The following ASCC3 variants were observed in gnomAD, a reference collection of about 807,000 sequenced individuals.
The protein encoded by ASCC3 is ASC-1 complex subunit P200.
ASCC3 carries 158 observed loss-of-function variants against 256.3 expected under a neutral mutation model. The observed-to-expected ratio is 0.62, with a 90% CI of 0.54 to 0.70. ASCC3 has a LOEUF of 0.70. Ranked by LOEUF, ASCC3 falls within the 30% of genes least tolerant of loss-of-function variation. ASCC3 has a pLI of 0.00. For missense variants in ASCC3, 2,259 were observed against 2,626.0 expected, an observed-to-expected ratio of 0.86 and a Z score of 3.05; for synonymous variants, 948 against 883.4, an observed-to-expected ratio of 1.07 and a Z score of -1.30.
chr6:100,534,868 G>C (rs984367609), intron 37 of ASCC3, among the ~76,000 whole-genome samples: 3 of 152,202 alleles, frequency 2.0e-5, no homozygotes, highest in Non-Finnish European at 4.4e-5. Context: ...CAGAACATGA[G>C]TAGTCAAGAC....
intron 36 of ASCC3, among the ~76,000 whole-genome samples, chr6:100,565,372 TC>T (rs1770181593): frequency 6.6e-6 from 1 of 152,192 alleles, no homozygotes; most frequent in African/African-American, 2.4e-5. Flanking sequence ...TTGCAAAGCG[TC>T]TTAGTGAAGG....
chr6:100,864,335 G>C (rs1005222638), intron 2 of ASCC3, 121 bp from the exon 3 acceptor site: 23 of 875,150 alleles, frequency 2.6e-5, no homozygotes, highest in Non-Finnish European at 4.0e-5. Flanking sequence ...ATTCAAAGTT[G>C]TATCTATTCA....
chr6:100,628,084 A>T, intron 27 of ASCC3, 97 bp from the exon 28 acceptor site: 1 of 1,270,562 alleles, frequency 7.9e-7, no homozygotes, highest in Non-Finnish European at 1.1e-6. Flanking sequence ...TCCTCAAAAA[A>T]CAAAAACAAA....
chr6:100,806,996 A>G (rs1237148790), intron 4 of ASCC3, among the ~76,000 whole-genome samples: 2 of 151,902 alleles, frequency 1.3e-5, no homozygotes, highest in Non-Finnish European at 2.9e-5. Context: ...AAATTTACAC[A>G]AATTGGCCAA....
intron 1 of ASCC3, among the ~76,000 whole-genome samples, chr6:100,874,668 C>T (rs939131120): frequency 2.6e-5 from 4 of 151,596 alleles, no homozygotes; most frequent in Non-Finnish European, 1.5e-5. Context: ...AAAAGAAAAA[C>T]ATTTTGATAT....
chr6:100,530,931 TCAGTACAGTGATTG>T, intron 37 of ASCC3: 1 of 1,372,416 alleles, frequency 7.3e-7, no homozygotes, highest in Non-Finnish European at 1.0e-6. Context: ...CTTTTAGACT[TCAGTACAGTGATTG>T]CAAATCACGT....
At chr6:100,649,866 T>C (rs1022281836) in intron 20 of ASCC3, among the ~76,000 whole-genome samples, 14 of 151,694 alleles carry the variant, frequency 9.2e-5, no homozygotes, top group Non-Finnish European at 1.6e-4. Flanking sequence ...GAAGGATAAA[T>C]AGGGTAAAAT....
intron 14 of ASCC3, among the ~76,000 whole-genome samples, chr6:100,671,271 T>C (rs1776730354): frequency 6.6e-6 from 1 of 152,074 alleles, no homozygotes; most frequent in African/African-American, 2.4e-5. Flanking sequence ...AGATGCCTGC[T>C]GCTTTCTAAA....
chr6:100,644,201 C>G (rs1775270484), intron 22 of ASCC3, 72 bp from the exon 23 acceptor site: 2 of 988,398 alleles, frequency 2.0e-6, no homozygotes, highest in Admixed American at 1.7e-5. Flanking sequence ...AATCTTCTCA[C>G]TCTAGAAGCT....
In ASCC3 at chr6:100,859,005, T is replaced by C. The variant is rs187643433; in HGVS notation, c.241+5059A>G. On this transcript the variant is annotated intron_variant, in intron 3 of 41. Coordinates refer to ENST00000369162, the MANE Select transcript of ASCC3 (RefSeq NM_006828.4). ...TCTCCATTAAAGCCATCATAGCATA[T>C]AGATTTCTTTGTACTTAAGGTTTTT... 377 of 703,640 alleles carry C rather than the reference T, an allele frequency of 5.4e-4. 1 individual carries two copies. Among genetic ancestry groups the C allele is most frequent in the African/African-American group, 5.3e-3 (299 of 56,578 alleles). The allele number at this position is 703,640 out of a possible 1,614,324, so 43.6% of individuals were successfully genotyped here.
intron 1 of ASCC3, among the ~76,000 whole-genome samples, chr6:100,874,464 CAAAAAAAAAAAAA>C (rs530326162): frequency 1.6e-3 from 123 of 77,636 alleles, no homozygotes; most frequent in Admixed American, 4.4e-3. Flanking sequence ...GACTCTGTCT[CAAAAAAAAAAAAA>C]AAAAAAAAAC....
chr6:100,825,162 T>G (rs1044282167), intron 4 of ASCC3, among the ~76,000 whole-genome samples: 27 of 152,342 alleles, frequency 1.8e-4, no homozygotes, highest in African/African-American at 6.0e-4. Flanking sequence ...GATATGTTTT[T>G]CAAGCTTGTC....
At chr6:100,683,757 CTT>C (rs1332513050) in intron 13 of ASCC3, among the ~76,000 whole-genome samples, 1 of 151,918 alleles carries the variant, frequency 6.6e-6, no homozygotes, top group African/African-American at 2.4e-5. Flanking sequence ...TTTTATAAAA[CTT>C]TATGCTTTTA....
intron 30 of ASCC3, 117 bp from the exon 31 acceptor site, chr6:100,607,205 T>C (rs1772940768): frequency 6.7e-6 from 7 of 1,043,032 alleles, no homozygotes; most frequent in Non-Finnish European, 1.0e-5. Context: ...ACATAAAATA[T>C]AAGTCCTATA....
intron 36 of ASCC3, among the ~76,000 whole-genome samples, chr6:100,542,859 A>T (rs1388464481): frequency 6.6e-6 from 1 of 150,426 alleles, no homozygotes; most frequent in Admixed American, 6.6e-5. Flanking sequence ...ATACCAGATG[A>T]AAATATGGAT....
intron 36 of ASCC3, among the ~76,000 whole-genome samples, chr6:100,582,399 G>A (rs1771340367): frequency 1.3e-5 from 2 of 151,562 alleles, no homozygotes; most frequent in Middle Eastern, 3.4e-3. Flanking sequence ...TCTGTTATTG[G>A]TATATAAGAA....
chr6:100,614,252 C>T (rs533539025), intron 30 of ASCC3, among the ~76,000 whole-genome samples: 16 of 151,922 alleles, frequency 1.1e-4, no homozygotes, highest in African/African-American at 2.2e-4. Context: ...ATAAAATTTT[C>T]GAAAGTAGTA....
chr6:100,798,668 A>G (rs779184260), intron 8 of ASCC3, 45 bp downstream of exon 8: 1 of 1,608,746 alleles, frequency 6.2e-7, no homozygotes, highest in Non-Finnish European at 8.5e-7. Context: ...TTCATACCGC[A>G]TACCAAGCCT....
At chr6:100,689,198 T>C (rs980990492) in intron 13 of ASCC3, among the ~76,000 whole-genome samples, 3 of 152,144 alleles carry the variant, frequency 2.0e-5, no homozygotes, top group African/African-American at 7.2e-5. Flanking sequence ...TTGCACTCTG[T>C]GTAATCATAA....
Sources: allele counts gnomAD v4.1 joint callset (sites outside exome capture counted in the v4.1 genomes callset), GRCh38; gene constraint gnomAD v4.1.1; transcripts MANE v1.5; gene names NCBI Gene and HGNC (gene_info 2026-07-23, HGNC 2026-07-21).